The following PPP2R3A variants were observed in gnomAD, a reference collection of about 807,000 sequenced individuals.
PPP2R3A encodes protein phosphatase 2 regulatory subunit B''alpha.
In PPP2R3A, 80 loss-of-function variants were observed where a neutral mutation model predicts 106.9. The ratio of observed to expected loss-of-function variants is 0.75; its 90% confidence interval spans 0.62 to 0.90. The LOEUF is 0.90. Among genes scored for constraint, PPP2R3A ranks in the 40% least tolerant of loss-of-function variants. The probability of loss-of-function intolerance (pLI) is 0.00; values close to 1 mark genes in which losing one functional copy is unlikely to be tolerated. For missense variants in PPP2R3A, 1,386 were observed against 1,350.4 expected, an observed-to-expected ratio of 1.03 and a Z score of -0.41; for synonymous variants, 483 against 468.3, an observed-to-expected ratio of 1.03 and a Z score of -0.41.
At position 136,146,044 on chromosome 3, in the gene PPP2R3A, G is replaced by T. The variant is rs144440117; in HGVS notation, c.*878G>T. ...GATACATTAAAATTCTTACTAGATA[G>T]ATATATTCCTTCCTCCCAGGAGTAT... On this transcript the variant is annotated 3_prime_UTR_variant, in exon 14 of 14. Coordinates refer to ENST00000264977, the MANE Select transcript of PPP2R3A (RefSeq NM_002718.5). The T allele has an allele frequency of 7.5e-3, 1,141 of 152,154 alleles. 18 individuals carry two copies. The highest frequency in any genetic ancestry group is 0.026 in the African/African-American group (1,077 of 41,520). 9.4% of individuals were successfully genotyped at this position (152,154 alleles called of 1,614,324 possible). A position where few individuals can be genotyped will look rare whatever the true frequency, so the allele number is the denominator to read the frequency against.
chr3:136,091,510 G>A (rs78930792), intron 10 of PPP2R3A, among the ~76,000 whole-genome samples: 2,473 of 152,196 alleles, frequency 0.016, 32 homozygotes, highest in Non-Finnish European at 0.024. Flanking sequence ...CTAGCTACTC[G>A]AGAAGCTGAG....
intron 2 of PPP2R3A, among the ~76,000 whole-genome samples, chr3:136,016,972 A>T (rs1397215088): frequency 1.4e-4 from 22 of 152,164 alleles, no homozygotes; most frequent in Non-Finnish European, 2.9e-5. Context: ...TTGTTTCAAG[A>T]TTTAGAACTT....
intron 2 of PPP2R3A, among the ~76,000 whole-genome samples, chr3:136,024,557 G>A (rs1259819702): frequency 6.6e-6 from 1 of 152,100 alleles, no homozygotes; most frequent in African/African-American, 2.4e-5. Flanking sequence ...ATCTTTGGCA[G>A]CCAGTGTTCT....
intron 6 of PPP2R3A, among the ~76,000 whole-genome samples, chr3:136,073,169 A>AT (rs1936489863): frequency 6.6e-6 from 1 of 152,094 alleles, no homozygotes; most frequent in Admixed American, 6.5e-5. Context: ...GGGTTTCACC[A>AT]TGTTAGCCAG....
At chr3:136,043,239 C>T (rs895633565) in intron 4 of PPP2R3A, among the ~76,000 whole-genome samples, 8 of 152,052 alleles carry the variant, frequency 5.3e-5, no homozygotes, top group Non-Finnish European at 1.5e-5. Flanking sequence ...GTGGGCAGAT[C>T]CCGAGGTCAG....
chr3:135,987,946 T>C (rs1269640122), intron 1 of PPP2R3A, among the ~76,000 whole-genome samples: 1 of 152,192 alleles, frequency 6.6e-6, no homozygotes, highest in Non-Finnish European at 1.5e-5. Context: ...GGATATCTCC[T>C]TTTTACTTCT....
chr3:136,047,382 G>A (rs1389259686), intron 4 of PPP2R3A, among the ~76,000 whole-genome samples: 1 of 152,162 alleles, frequency 6.6e-6, no homozygotes, highest in East Asian at 1.9e-4. Context: ...GCAAAGACAT[G>A]GAATCAACAT....
intron 11 of PPP2R3A, among the ~76,000 whole-genome samples, 195 bp from the exon 12 acceptor site, chr3:136,103,050 CTTTATTAGTGAAT>C (rs1937419593): frequency 1.3e-5 from 2 of 152,114 alleles, no homozygotes; most frequent in South Asian, 4.1e-4. Context: ...AAATGGTGAA[CTTTATTAGTGAAT>C]TTTACCTCAA....
intron 2 of PPP2R3A, among the ~76,000 whole-genome samples, chr3:136,009,600 T>C (rs1698573153): frequency 6.6e-6 from 1 of 152,180 alleles, no homozygotes; most frequent in African/African-American, 2.4e-5. Context: ...GGTTCCCAAC[T>C]AATACTGTTA....
intron 10 of PPP2R3A, among the ~76,000 whole-genome samples, chr3:136,096,950 CAG>C (rs1279796612): frequency 2.0e-5 from 3 of 151,960 alleles, no homozygotes; most frequent in Non-Finnish European, 2.9e-5. Context: ...GCCTGGGTGA[CAG>C]AGCGAGACTT....
intron 13 of PPP2R3A, among the ~76,000 whole-genome samples, chr3:136,133,471 C>T (rs1262265637): frequency 6.6e-6 from 1 of 152,084 alleles, no homozygotes; most frequent in Non-Finnish European, 1.5e-5. Context: ...ACTAAAATCA[C>T]CAGTTGGCAG....
intron 5 of PPP2R3A, among the ~76,000 whole-genome samples, chr3:136,054,883 G>A (rs766468013): frequency 1.3e-4 from 20 of 152,058 alleles, no homozygotes; most frequent in Non-Finnish European, 2.2e-4. Flanking sequence ...CATTAATTCA[G>A]TTTTCTACTC....
chr3:135,980,185 A>G (rs1363344965), intron 1 of PPP2R3A, among the ~76,000 whole-genome samples: 2 of 151,834 alleles, frequency 1.3e-5, no homozygotes, highest in South Asian at 2.1e-4. Flanking sequence ...CAGTGCTTCA[A>G]TTCAAAGTCC....
At chr3:136,043,751 T>C (rs1935375947) in intron 4 of PPP2R3A, among the ~76,000 whole-genome samples, 1 of 152,266 alleles carries the variant, frequency 6.6e-6, no homozygotes, top group African/African-American at 2.4e-5. Context: ...TACTTTCTTT[T>C]ACCTTTTCAT....
intron 13 of PPP2R3A, among the ~76,000 whole-genome samples, chr3:136,143,441 A>C (rs1272200736): frequency 6.6e-6 from 1 of 152,076 alleles, no homozygotes; most frequent in East Asian, 1.9e-4. Flanking sequence ...CAGTGAACCA[A>C]GATCATGCCA....
At chr3:136,072,916 G>A (rs1936480773) in intron 6 of PPP2R3A, among the ~76,000 whole-genome samples, 2 of 151,990 alleles carry the variant, frequency 1.3e-5, no homozygotes, top group Non-Finnish European at 1.5e-5. Context: ...TTGGACATTC[G>A]ATGGTATTTG....
At chr3:135,972,090 CA>C (rs1413636576) in intron 1 of PPP2R3A, among the ~76,000 whole-genome samples, 1 of 152,112 alleles carries the variant, frequency 6.6e-6, no homozygotes, top group Non-Finnish European at 1.5e-5. Context: ...TTCATCACCC[CA>C]AAAGGAAACC....
intron 2 of PPP2R3A, among the ~76,000 whole-genome samples, chr3:136,009,158 G>A (rs556965221): frequency 3.3e-5 from 5 of 152,004 alleles, no homozygotes; most frequent in Admixed American, 1.3e-4. Context: ...ACTTAAACTC[G>A]TCTCTTCCTA....
At chr3:136,028,028 C>T (rs985661455) in intron 3 of PPP2R3A, among the ~76,000 whole-genome samples, 1 of 152,218 alleles carries the variant, frequency 6.6e-6, no homozygotes, top group Admixed American at 6.5e-5. Context: ...ATGGCTTCCA[C>T]AGCCTGGCCC....
Sources: allele counts gnomAD v4.1 joint callset (sites outside exome capture counted in the v4.1 genomes callset), GRCh38; gene constraint gnomAD v4.1.1; transcripts MANE v1.5; gene names NCBI Gene and HGNC (gene_info 2026-07-23, HGNC 2026-07-21).